The following FOXJ3 variants were observed in gnomAD, a reference collection of about 807,000 sequenced individuals.
FOXJ3 encodes the protein forkhead box J3.
Under a neutral mutation model 76.1 loss-of-function variants are expected in FOXJ3, and 22 were observed. The observed-to-expected ratio is 0.29, with a 90% CI of 0.21 to 0.41. The LOEUF is 0.41. Among genes scored for constraint, FOXJ3 ranks in the 10% least tolerant of loss-of-function variants. The pLI is 1.00. For synonymous variants in FOXJ3, 269 were observed against 261.2 expected, an observed-to-expected ratio of 1.03 and a Z score of -0.29; for missense variants, 613 against 762.1, an observed-to-expected ratio of 0.80 and a Z score of 2.30.
At chr1:42,245,778 T>A (rs343391) in intron 4 of FOXJ3, among the ~76,000 whole-genome samples, 106,446 of 151,986 alleles carry the variant, frequency 0.7, 38,009 homozygotes, top group Admixed American at 0.8. Flanking sequence ...CCACTTTCAC[T>A]ACTACTATTC....
At chr1:42,201,283 A>C (rs1340914455) in intron 6 of FOXJ3, among the ~76,000 whole-genome samples, 1 of 152,212 alleles carries the variant, frequency 6.6e-6, no homozygotes, top group African/African-American at 2.4e-5. Context: ...ATGTCAAATA[A>C]AAGTGCTGAT....
At chr1:42,329,785 G>A (rs183341053) in intron 1 of FOXJ3, among the ~76,000 whole-genome samples, 33 of 152,330 alleles carry the variant, frequency 2.2e-4, no homozygotes, top group African/African-American at 5.5e-4. Context: ...ATGCGGATGC[G>A]ATGTCAAGTT....
At chr1:42,295,178 C>T (rs1192538952) in intron 2 of FOXJ3, among the ~76,000 whole-genome samples, 1 of 152,220 alleles carries the variant, frequency 6.6e-6, no homozygotes, top group African/African-American at 2.4e-5. Context: ...GAACATTATA[C>T]CCAACATGTA....
chr1:42,255,662 T>C (rs1650526840), intron 4 of FOXJ3, among the ~76,000 whole-genome samples: 3 of 152,352 alleles, frequency 2.0e-5, no homozygotes, highest in East Asian at 1.9e-4. Context: ...CACCATGATG[T>C]TGCATAAGAA....
At chr1:42,335,682 G>C (rs1436512617), upstream of FOXJ3, 2 of 151,364 alleles carry the variant, frequency 1.3e-5, no homozygotes, top group East Asian at 2.0e-4. Flanking sequence ...TTTCCGACCT[G>C]GCACACCGCG....
intron 2 of FOXJ3, among the ~76,000 whole-genome samples, chr1:42,286,541 T>C (rs1323883434): frequency 2.0e-5 from 3 of 152,210 alleles, no homozygotes; most frequent in Non-Finnish European, 4.4e-5. Flanking sequence ...TTAATACATA[T>C]AAAGCACTGA....
chr1:42,291,698 G>A (rs913593583), intron 2 of FOXJ3, among the ~76,000 whole-genome samples: 7 of 151,892 alleles, frequency 4.6e-5, no homozygotes, highest in East Asian at 1.9e-4. Context: ...GAAGATCGCC[G>A]GAGCCCAGGA....
At chr1:42,191,186 T>C (rs1038012686) in intron 9 of FOXJ3, 117 bp downstream of exon 9, 12 of 938,136 alleles carry the variant, frequency 1.3e-5, no homozygotes, top group Admixed American at 5.6e-5. Flanking sequence ...TATAGGATTA[T>C]AGCAAGGAAA....
At chr1:42,247,557 A>C (rs191105762) in intron 4 of FOXJ3, among the ~76,000 whole-genome samples, 82 of 152,324 alleles carry the variant, frequency 5.4e-4, no homozygotes, top group African/African-American at 1.8e-3. Context: ...CATTAATCCA[A>C]TGAAAATCAA....
intron 2 of FOXJ3, among the ~76,000 whole-genome samples, chr1:42,287,025 G>A (rs1192103572): frequency 6.6e-6 from 1 of 151,344 alleles, no homozygotes; most frequent in Non-Finnish European, 1.5e-5. Context: ...CTGTTCTAGG[G>A]TATACAATTC....
At chr1:42,204,400 A>G (rs1168248026) in intron 6 of FOXJ3, among the ~76,000 whole-genome samples, 1 of 152,010 alleles carries the variant, frequency 6.6e-6, no homozygotes, top group Admixed American at 6.5e-5. Flanking sequence ...GAAAACCAAA[A>G]TCTTCAGCTC....
At chr1:42,335,523 G>A (rs1158536983), upstream of FOXJ3, 1 of 152,304 alleles carries the variant, frequency 6.6e-6, no homozygotes, top group African/African-American at 2.4e-5. Flanking sequence ...GAGGACAGTA[G>A]GGATCGGTGG....
intron 2 of FOXJ3, among the ~76,000 whole-genome samples, chr1:42,294,227 G>C (rs1653628358): frequency 6.6e-6 from 1 of 152,122 alleles, no homozygotes; most frequent in Admixed American, 6.6e-5. Flanking sequence ...ATGCTGCTTT[G>C]TCTCAAACGC....
chr1:42,315,452 T>A (rs961940703), intron 1 of FOXJ3: 18 of 978,892 alleles, frequency 1.8e-5, no homozygotes, highest in Non-Finnish European at 1.7e-5. Context: ...GATCTCATAC[T>A]AAACTGTCCA....
rs143131254 is a variant in FOXJ3, at chr1:42,191,208, A to C, written c.1351+95T>G. On this transcript the variant is annotated intron_variant, in intron 9 of 12. Transcript: ENST00000361346. Reference sequence around the variant, plus strand: ...TTATAGCAAGGAAACAGATGTAAAGAGGTTTTGGTAGTAAATACTACATGA... The same window carrying C: ...TTATAGCAAGGAAACAGATGTAAAGCGGTTTTGGTAGTAAATACTACATGA... 3.1e-4 allele frequency: 348 copies of C among 1,109,936 alleles called. 3 individuals are homozygous for C. The African/African-American group carries it at 4.8e-3, about 15-fold the overall frequency. The allele number at this position is 1,109,936 out of a possible 1,614,324, so 68.8% of individuals were successfully genotyped here. A position where few individuals can be genotyped will look rare whatever the true frequency, so the allele number is the denominator to read the frequency against.
intron 2 of FOXJ3, among the ~76,000 whole-genome samples, chr1:42,294,252 T>C (rs1346246148): frequency 6.6e-6 from 1 of 152,202 alleles, no homozygotes; most frequent in Non-Finnish European, 1.5e-5. Flanking sequence ...TGTAGTGTTT[T>C]GCCTAGCTCA....
In FOXJ3 at chr1:42,178,664, A is replaced by C. The variant is rs893534311; in HGVS notation, c.*1046T>G. On this transcript the variant is annotated 3_prime_UTR_variant, in exon 13 of 13. Coordinates refer to ENST00000361346, the MANE Select transcript of FOXJ3 (RefSeq NM_014947.5). ...GCCAGGCATGGCGGTGTGCACCTGC[A>C]CTCCCAGCTACTCGGGAGGCTGAGG... is the stretch of plus-strand genomic sequence containing the variant. 2 of 152,228 alleles carry C rather than the reference A, an allele frequency of 1.3e-5. No homozygotes were observed. The highest frequency in any genetic ancestry group is 2.4e-5 in the African/African-American group (1 of 41,416). The allele number at this position is 152,228 out of a possible 1,614,324, so 9.4% of individuals were successfully genotyped here.
At chr1:42,283,521 A>AG (rs1368428822) in intron 2 of FOXJ3, among the ~76,000 whole-genome samples, 1 of 152,200 alleles carries the variant, frequency 6.6e-6, no homozygotes, top group Non-Finnish European at 1.5e-5. Flanking sequence ...CGTATCAAAA[A>AG]GGGGGGCAAA....
intron 4 of FOXJ3, among the ~76,000 whole-genome samples, chr1:42,239,363 T>G (rs1648948866): frequency 6.6e-6 from 1 of 152,204 alleles, no homozygotes; most frequent in Non-Finnish European, 1.5e-5. Context: ...AACTGTAGAT[T>G]TTTCATAAAT....
Sources: allele counts gnomAD v4.1 joint callset (sites outside exome capture counted in the v4.1 genomes callset), GRCh38; gene constraint gnomAD v4.1.1; transcripts MANE v1.5; gene names NCBI Gene and HGNC (gene_info 2026-07-23, HGNC 2026-07-21).